Variants in TPGS2 observed in about 807,000 individuals in gnomAD.
TPGS2 encodes polyglutamylase subunit 2.
TPGS2 carries 26 observed loss-of-function variants against 31.1 expected under a neutral mutation model. The observed-to-expected ratio is 0.84, with a 90% CI of 0.61 to 1.16. The LOEUF (loss-of-function observed/expected upper bound fraction) is 1.16. Ranked by LOEUF, TPGS2 falls within the 50% of genes most tolerant of loss-of-function variation. The pLI, the probability that TPGS2 is intolerant of heterozygous loss-of-function variation, is 0.00. For synonymous variants in TPGS2, 130 were observed against 136.6 expected (o/e 0.95, Z 0.34); for missense variants, 351 against 363.8 (o/e 0.96, Z 0.29).
chr18:36,783,594 A>G (rs1171081454), intron 6 of TPGS2, among the ~76,000 whole-genome samples: 2 of 152,214 alleles, frequency 1.3e-5, no homozygotes, highest in African/African-American at 4.8e-5. Flanking sequence ...GTTTTCTTCC[A>G]AGTCCATTGT....
chr18:36,796,740 C>T lies in TPGS2; in HGVS notation c.*65G>A, dbSNP rs1231620923. The T allele has an allele frequency of 2.6e-5, 40 of 1,561,176 alleles. No homozygotes were observed. In the Admixed American group the frequency reaches 2.6e-4, roughly 10 times the overall value. On this transcript the variant is annotated 3_prime_UTR_variant, in exon 7 of 7. Coordinates refer to ENST00000334295, the MANE Select transcript of TPGS2 (RefSeq NM_015476.4). ...TCCACACGCAAAACTGGAGGTCACC[C>T]CTAGGGCCATCTGTGCATGGAAACC...
In TPGS2 at chr18:36,811,119, A is replaced by G. The variant is rs115971424; in HGVS notation, c.166-3185T>C. On this transcript the variant is annotated intron_variant, in intron 2 of 6. Transcript: ENST00000334295. ...GAAGAGCTGCCCAGGACGTCCATCAAGGAGCATGAGAACATTGCTGGAAAT... is the reference window on the plus strand; with the variant it reads ...GAAGAGCTGCCCAGGACGTCCATCAGGGAGCATGAGAACATTGCTGGAAAT... Among the ~76,000 whole-genome samples the G allele has an allele frequency of 2.9e-3, 446 of 152,344 alleles. 4 individuals are homozygous for G. Among genetic ancestry groups the G allele is most frequent in the African/African-American group, 9.7e-3 (403 of 41,574 alleles).
chr18:36,811,635 T>C (rs1000864785), intron 2 of TPGS2, among the ~76,000 whole-genome samples: 4 of 152,186 alleles, frequency 2.6e-5, no homozygotes. Flanking sequence ...GCTGCTCTGC[T>C]TCAGAGATGG....
rs746385322 is a variant in TPGS2, at chr18:36,819,087, T to C, written c.86-114A>G. 1.9e-4 allele frequency: 155 copies of C among 823,778 alleles called. No individual in the cohort carries two copies. The Middle Eastern group carries it at 5.3e-3, about 28-fold the overall frequency. The allele number at this position is 823,778 out of a possible 1,614,324, so 51.0% of individuals were successfully genotyped here. On this transcript the variant is annotated intron_variant, in intron 1 of 6. Coordinates refer to ENST00000334295, the MANE Select transcript of TPGS2 (RefSeq NM_015476.4). ...TCTTAAGAACATCCAATCCTTCTCA[T>C]GAACACTTATTACCCCTGTAATGAA...
Position 36,796,961 on chromosome 18 carries a change from G to C in TPGS2, c.747C>G (p.Ser249Arg). The change falls in exon 7 of 7, where the codon AGC becomes AGG. Residue 249 changes from serine to arginine, a missense_variant. Coordinates refer to ENST00000334295, the MANE Select transcript of TPGS2 (RefSeq NM_015476.4). ...TCTTGTTCTTGCTCTTAAACACTTT[G>C]CTGGGATCTAGCTTATTCACAAAGG... is the stretch of plus-strand genomic sequence containing the variant. ...TDSFVNKLDPSKVFKSKNKIV... is the reference protein window; with the variant it reads ...TDSFVNKLDPRKVFKSKNKIV... 1.2e-6 allele frequency: 2 copies of C among 1,605,600 alleles called. No homozygotes were observed. Among genetic ancestry groups the C allele is most frequent in the Non-Finnish European group, 8.5e-7 (1 of 1,177,372 alleles).
intron 1 of TPGS2, among the ~76,000 whole-genome samples, chr18:36,827,272 A>G (rs1440942815): frequency 1.3e-5 from 2 of 152,244 alleles, no homozygotes; most frequent in Non-Finnish European, 2.9e-5. Flanking sequence ...AAACAAATAC[A>G]TAATTTCAAG....
At chr18:36,800,170 C>T (rs563098293) in intron 5 of TPGS2, 28 bp downstream of exon 5, 36 of 1,601,464 alleles carry the variant, frequency 2.2e-5, no homozygotes, top group African/African-American at 6.7e-5. Flanking sequence ...AGCCAAACTA[C>T]GGGACCACGC....
chr18:36,800,421 G>T (rs1290380359), intron 4 of TPGS2, 110 bp from the exon 5 acceptor site: 5 of 841,358 alleles, frequency 5.9e-6, no homozygotes, highest in Non-Finnish European at 1.0e-5. Context: ...CCTTATCTCA[G>T]ACATATACTT....
Position 36,818,931 on chromosome 18 carries a change from G to T in TPGS2, c.128C>A (p.Pro43His). 1 of 1,613,836 alleles carries T rather than the reference G, an allele frequency of 6.2e-7. No homozygotes were observed. The highest frequency in any genetic ancestry group is 1.1e-5 in the South Asian group (1 of 91,040). ...GVTEVTIIEK[P>H]PAERHMISSW... ...AGAAATCATATGACGTTCAGCAGGA[G>T]GCTTTTCTATGATGGTCACCTCAGT... Residue 43 changes from proline (P) to histidine (H), a missense_variant, in exon 2 of 7, where the codon CCT (proline) becomes CAT (histidine). By Grantham distance (77) the Pro-to-His change is moderately conservative. Coordinates refer to ENST00000334295, the MANE Select transcript of TPGS2 (RefSeq NM_015476.4).
chr18:36,800,299 T>C lies in TPGS2; in HGVS notation c.395A>G (p.Gln132Arg). Residue 132 changes from glutamine to arginine, a missense_variant, in exon 5 of 7, where the codon CAG becomes CGG. By Grantham distance (43) the Gln-to-Arg change is conservative. Transcript: ENST00000334295. ...AGAGTCAAAGTGAGGCTTCTCTGGCTGATCATCACTGGCTGCAAACCCAGA... is the reference window on the plus strand; with the variant it reads ...AGAGTCAAAGTGAGGCTTCTCTGGCCGATCATCACTGGCTGCAAACCCAGA... ...EDDTHEASDD[Q>R]PEKPHFDSRS... is the part of the protein sequence containing the mutation. 6.2e-7 allele frequency: 1 copy of C among 1,614,198 alleles called. No homozygotes were observed. The highest frequency in any genetic ancestry group is 1.1e-5 in the South Asian group (1 of 91,076).
At chr18:36,816,844 T>G (rs2045679764) in intron 2 of TPGS2, among the ~76,000 whole-genome samples, 1 of 152,200 alleles carries the variant, frequency 6.6e-6, no homozygotes, top group Non-Finnish European at 1.5e-5. Flanking sequence ...CCTGACCTCG[T>G]GATCTGCCTG....
In TPGS2 at chr18:36,798,595, T is replaced by G; in HGVS notation, c.511A>C (p.Thr171Pro). Residue 171 changes from threonine (T) to proline (P), a missense_variant, in exon 6 of 7, where the codon ACT becomes CCT. Thr to Pro is a conservative substitution (Grantham distance 38). Transcript: ENST00000334295. ...KSGKPALAED[T>P]EIWFLDRALY... ...GCTCTGTCCAGGAACCAGATCTCAG[T>G]GTCTTCTGCTAATGCTGAAGTAGAA... 2.5e-6 allele frequency: 4 copies of G among 1,613,992 alleles called. No homozygotes were observed. The highest frequency in any genetic ancestry group is 3.4e-6 in the Non-Finnish European group (4 of 1,179,892).
chr18:36,806,628 G>A (rs374346610), intron 3 of TPGS2, among the ~76,000 whole-genome samples: 2 of 151,908 alleles, frequency 1.3e-5, no homozygotes, highest in East Asian at 1.9e-4. Flanking sequence ...CAAGGTGGGC[G>A]GATCATGAGG....
chr18:36,795,598 C>T lies in TPGS2; in HGVS notation c.*1207G>A, dbSNP rs2044491434. The T allele has an allele frequency of 3.5e-5, 34 of 985,358 alleles. No homozygotes were observed. Among genetic ancestry groups the T allele is most frequent in the Non-Finnish European group, 4.1e-5 (34 of 829,952 alleles). 61.0% of individuals were successfully genotyped at this position (985,358 alleles called of 1,614,324 possible). On this transcript the variant is annotated 3_prime_UTR_variant, in exon 7 of 7. Coordinates refer to ENST00000334295, the MANE Select transcript of TPGS2 (RefSeq NM_015476.4). ...AGGCATTCCTAATTGAAAATCTGAG[C>T]AACCTTCTCTGTAAAAATTTCATTA...
chr18:36,791,009 GTGAT>G (rs2044291888), downstream of TPGS2, among the ~76,000 whole-genome samples: 1 of 152,148 alleles, frequency 6.6e-6, no homozygotes, highest in Non-Finnish European at 1.5e-5. Flanking sequence ...CTTGTGGGAG[GTGAT>G]TGATTGAATC....
intron 2 of TPGS2, among the ~76,000 whole-genome samples, chr18:36,809,123 G>C (rs1029440512): frequency 2.0e-5 from 3 of 152,200 alleles, no homozygotes; most frequent in African/African-American, 7.2e-5. Flanking sequence ...TCATGTAGAA[G>C]GACGATTTGA....
chr18:36,827,237 G>T (rs893859242), intron 1 of TPGS2, among the ~76,000 whole-genome samples: 3 of 152,096 alleles, frequency 2.0e-5, no homozygotes, highest in Admixed American at 2.0e-4. Flanking sequence ...TCTATTAAAA[G>T]AGACACAAAT....
chr18:36,800,282 A>G lies in TPGS2; in HGVS notation c.412T>C (p.Phe138Leu), dbSNP rs753950797. The change falls in exon 5 of 7, where the codon TTT becomes CTT. Residue 138 changes from phenylalanine (F) to leucine (L), a missense_variant. By Grantham distance (22) the Phe-to-Leu change is conservative (BLOSUM62 0). Coordinates refer to ENST00000334295, the MANE Select transcript of TPGS2 (RefSeq NM_015476.4). ...TCAAATATCACACTGCGAGAGTCAA[A>G]GTGAGGCTTCTCTGGCTGATCATCA... is the stretch of plus-strand genomic sequence containing the variant. The part of the protein sequence containing the change: ...ASDDQPEKPH[F>L]DSRSVIFELD... 5 of 1,614,062 alleles carry G rather than the reference A, an allele frequency of 3.1e-6. No homozygotes were observed. In the East Asian group the frequency reaches 1.1e-4, roughly 36 times the overall value.
At position 36,804,752 on chromosome 18, in the gene TPGS2, C is replaced by T. The variant is rs921760882; in HGVS notation, c.382+622G>A. Among the ~76,000 whole-genome samples the T allele has an allele frequency of 1.1e-4, 17 of 152,226 alleles. 1 individual carries two copies. The highest frequency in any genetic ancestry group is 4.4e-5 in the Non-Finnish European group (3 of 68,034). On this transcript the variant is annotated intron_variant, in intron 4 of 6. Coordinates refer to ENST00000334295, the MANE Select transcript of TPGS2 (RefSeq NM_015476.4). Reference sequence around the variant, plus strand: ...AGTATTTACCTTCTCAGACCCCTGGCAACCTGGGTTGCCATTTGACTCTTC... The same window carrying T: ...AGTATTTACCTTCTCAGACCCCTGGTAACCTGGGTTGCCATTTGACTCTTC...
Sources: allele counts gnomAD v4.1 joint callset (sites outside exome capture counted in the v4.1 genomes callset), GRCh38; gene constraint gnomAD v4.1.1; transcripts MANE v1.5; gene names NCBI Gene and HGNC (gene_info 2026-07-23, HGNC 2026-07-21).